DCAF4: variants seen among roughly 807,000 people sequenced by gnomAD.
DCAF4 encodes the protein DDB1 and CUL4 associated factor 4.
In DCAF4, 37 loss-of-function variants were observed where a neutral mutation model predicts 60.9. The observed-to-expected ratio is 0.61, with a 90% CI of 0.47 to 0.80. The LOEUF (loss-of-function observed/expected upper bound fraction) is 0.80, where lower values mean the gene tolerates loss of function less well. Ranked by LOEUF, DCAF4 falls within the 30% of genes least tolerant of loss-of-function variation. The probability of loss-of-function intolerance (pLI) is 0.00; values close to 1 mark genes in which losing one functional copy is unlikely to be tolerated. For missense variants in DCAF4, 577 were observed against 650.0 expected (o/e 0.89, Z 1.22); for synonymous variants, 243 against 254.8 (o/e 0.95, Z 0.44).
rs151012011 is a variant in DCAF4 at position 72,937,999 on chromosome 14, G to C, written c.21G>C (p.Gln7His). 384 of 1,607,100 alleles carry C rather than the reference G, an allele frequency of 2.4e-4. No homozygotes were observed. In the Middle Eastern group the frequency reaches 2.5e-3, roughly 10 times the overall value. MNKSRW[Q>H]SRRRHGRRSH... Reference sequence around the variant, plus strand: ...CAGAAATGAATAAAAGTCGCTGGCAGAGTAGAAGACGACATGGGAGAAGAA... The same window carrying C: ...CAGAAATGAATAAAAGTCGCTGGCACAGTAGAAGACGACATGGGAGAAGAA... The change falls in exon 2 of 14, where the codon CAG becomes CAC. Residue 7 changes from glutamine (Q) to histidine (H), a missense_variant. Coordinates refer to ENST00000358377, the MANE Select transcript of DCAF4 (RefSeq NM_015604.4).
At chr14:72,927,968 ATTTG>A (rs1453650172) in intron 1 of DCAF4, among the ~76,000 whole-genome samples, 33 of 151,832 alleles carry the variant, frequency 2.2e-4, no homozygotes, top group Admixed American at 1.4e-3. Context: ...TTTTTAAATT[ATTTG>A]TTAAGATGGG....
chr14:72,945,305 A>G (rs535639423), intron 6 of DCAF4, among the ~76,000 whole-genome samples: 1 of 152,166 alleles, frequency 6.6e-6, no homozygotes, highest in East Asian at 1.9e-4. Context: ...AGGAGAGAAG[A>G]TCACTTGAGC....
chr14:72,958,341 G>T (rs762957390), intron 13 of DCAF4, among the ~76,000 whole-genome samples: 2 of 152,170 alleles, frequency 1.3e-5, no homozygotes, highest in Middle Eastern at 3.2e-3. Flanking sequence ...TGAACGTTCC[G>T]TGACATCAAG....
intron 7 of DCAF4, among the ~76,000 whole-genome samples, chr14:72,946,902 C>T (rs1890810484): frequency 6.6e-6 from 1 of 152,132 alleles, no homozygotes; most frequent in South Asian, 2.1e-4. Flanking sequence ...AAAATTCAGC[C>T]CTGCCCAGAG....
chr14:72,939,694 A>C (rs1313876533), intron 2 of DCAF4, 108 bp from the exon 3 acceptor site: 1 of 809,398 alleles, frequency 1.2e-6, no homozygotes, highest in East Asian at 3.0e-5. Context: ...GAAAGGTCAG[A>C]GATCAGAGGT....
downstream of DCAF4, chr14:72,959,763 C>T: frequency 5.1e-6 from 3 of 594,022 alleles, no homozygotes; most frequent in Non-Finnish European, 6.3e-6. Context: ...ACCCACTCTG[C>T]CCTCATCATC....
intron 1 of DCAF4, among the ~76,000 whole-genome samples, chr14:72,929,131 C>T (rs921837236): frequency 3.7e-4 from 57 of 152,068 alleles, no homozygotes; most frequent in African/African-American, 1.2e-3. Context: ...CCACCCCGCC[C>T]GGCCTCCTCT....
At chr14:72,936,728 A>G (rs1403516420) in intron 1 of DCAF4, among the ~76,000 whole-genome samples, 1 of 152,184 alleles carries the variant, frequency 6.6e-6, no homozygotes, top group Admixed American at 6.5e-5. Flanking sequence ...GAAGCAGCAT[A>G]GGAACTTGGT....
chr14:72,929,071 G>T (rs1183173069), intron 1 of DCAF4, among the ~76,000 whole-genome samples: 1 of 152,184 alleles, frequency 6.6e-6, no homozygotes, highest in Non-Finnish European at 1.5e-5. Flanking sequence ...CACTGCGGGC[G>T]GCACGGACGC....
chr14:72,955,556 G>A lies in DCAF4; in HGVS notation c.1039G>A (p.Glu347Lys), dbSNP rs1567328994. 1.2e-6 allele frequency: 2 copies of A among 1,614,166 alleles called. No individual in the cohort carries two copies. Among genetic ancestry groups the A allele is most frequent in the East Asian group, 4.5e-5 (2 of 44,882 alleles). The stretch of plus-strand genomic sequence containing the variant: ...GCTGTTTAATGGCTGCCGCTCTGGG[G>A]AAATCTTTGCCATTGATCTGCGTTG... ...PLLFNGCRSG[E>K]IFAIDLRCGN... The change falls in exon 12 of 14, where the codon GAA becomes AAA. Residue 347 changes from glutamate (E) to lysine (K), a missense_variant. By Grantham distance (56) the Glu-to-Lys change is moderately conservative. Coordinates refer to ENST00000358377, the MANE Select transcript of DCAF4 (RefSeq NM_015604.4).
chr14:72,949,219 T>G (rs2140276018), intron 8 of DCAF4, among the ~76,000 whole-genome samples: 1 of 152,102 alleles, frequency 6.6e-6, no homozygotes, highest in East Asian at 1.9e-4. Flanking sequence ...GAGGCCAAAG[T>G]TGGGGGATTG....
At chr14:72,953,540 A>G (rs953626247) in intron 9 of DCAF4, among the ~76,000 whole-genome samples, 7 of 150,830 alleles carry the variant, frequency 4.6e-5, no homozygotes, top group South Asian at 2.1e-4. Context: ...CAAGACTCCA[A>G]TCTCTACAAA....
chr14:72,942,018 G>A (rs1308842119), intron 5 of DCAF4, 194 bp downstream of exon 5: 8 of 544,684 alleles, frequency 1.5e-5, no homozygotes, highest in Admixed American at 3.5e-5. Context: ...TCTCTAGAGC[G>A]AAGGCGGGGG....
intron 6 of DCAF4, among the ~76,000 whole-genome samples, chr14:72,943,850 C>T (rs1360561917): frequency 1.3e-5 from 2 of 152,150 alleles, no homozygotes; most frequent in African/African-American, 4.8e-5. Flanking sequence ...GCTGGTGGGA[C>T]TGGAGGCCGA....
intron 6 of DCAF4, 113 bp downstream of exon 6, chr14:72,943,209 G>A (rs1890283112): frequency 2.2e-6 from 2 of 899,970 alleles, no homozygotes; most frequent in Non-Finnish European, 1.7e-6. Flanking sequence ...TGCAATGAAA[G>A]TAGGTGGCAT....
At chr14:72,937,937 G>C (rs1199230653) in intron 1 of DCAF4, 34 bp from the exon 2 acceptor site, 2 of 1,556,304 alleles carry the variant, frequency 1.3e-6, no homozygotes, top group Non-Finnish European at 8.6e-7. Context: ...CCCACACACA[G>C]AGATGTATGG....
intron 12 of DCAF4, 62 bp from the exon 13 acceptor site, chr14:72,956,324 C>G (rs1235385133): frequency 5.1e-6 from 7 of 1,368,670 alleles, no homozygotes; most frequent in Non-Finnish European, 6.9e-6. Context: ...TGGCTTTGCA[C>G]TTGGGGACCA....
intron 9 of DCAF4, among the ~76,000 whole-genome samples, chr14:72,953,411 AT>A (rs2140296287): frequency 6.6e-6 from 1 of 152,022 alleles, no homozygotes; most frequent in South Asian, 2.1e-4. Context: ...GCAAAAGTTT[AT>A]TTTAAAAAAT....
intron 4 of DCAF4, among the ~76,000 whole-genome samples, chr14:72,940,796 G>C (rs984350759): frequency 2.0e-5 from 3 of 151,058 alleles, no homozygotes; most frequent in Admixed American, 1.3e-4. Flanking sequence ...TCACCATGTT[G>C]GCCAGGTTGG....
Sources: allele counts gnomAD v4.1 joint callset (sites outside exome capture counted in the v4.1 genomes callset), GRCh38; gene constraint gnomAD v4.1.1; transcripts MANE v1.5; gene names NCBI Gene and HGNC (gene_info 2026-07-23, HGNC 2026-07-21).